Variants in LRSAM1 observed in about 807,000 individuals in gnomAD.
LRSAM1 encodes E3 ubiquitin-protein ligase LRSAM1.
Under a neutral mutation model 118.1 loss-of-function variants are expected in LRSAM1, and 96 were observed. The ratio of observed to expected loss-of-function variants is 0.81; its 90% CI spans 0.69 to 0.96. The LOEUF (loss-of-function observed/expected upper bound fraction) is 0.96. Ranked by LOEUF, LRSAM1 falls within the 40% of genes least tolerant of loss-of-function variation. The pLI, the probability that LRSAM1 is intolerant of heterozygous loss-of-function variation, is 0.00. For missense variants in LRSAM1, 804 were observed against 915.5 expected, an observed-to-expected ratio of 0.88 and a Z score of 1.57; for synonymous variants, 322 against 364.2, an observed-to-expected ratio of 0.88 and a Z score of 1.32.
At chr9:127,461,129 C>G (rs1554754305) in intron 7 of LRSAM1, 44 bp from the exon 8 acceptor site, 1 of 1,511,452 alleles carries the variant, frequency 6.6e-7, no homozygotes. Flanking sequence ...GCTGGGATTA[C>G]AGGCATAAGC....
At chr9:127,489,659 C>T (rs1835859693) in intron 19 of LRSAM1, 141 bp downstream of exon 19, 1 of 901,308 alleles carries the variant, frequency 1.1e-6, no homozygotes, top group Non-Finnish European at 1.7e-6. Context: ...AGGCCTTGCC[C>T]TCAGAACCTC....
chr9:127,485,863 G>A (rs1359627096), intron 17 of LRSAM1, 28 bp downstream of exon 17: 2 of 1,607,094 alleles, frequency 1.2e-6, no homozygotes, highest in Admixed American at 1.7e-5. Context: ...AGTCCCAGGT[G>A]AGGGAGCTGG....
At chr9:127,451,823 G>A (rs955508111) in intron 1 of LRSAM1, 106 bp from the exon 2 acceptor site, 1 of 155,690 alleles carries the variant, frequency 6.4e-6, no homozygotes, top group African/African-American at 2.4e-5. Flanking sequence ...AGTCTATGTG[G>A]AAATCCAGTC....
Position 127,503,070 on chromosome 9 carries a change from G to C in LRSAM1, c.*171G>C, listed in dbSNP as rs376509064. The C allele has an allele frequency of 9.3e-5, 80 of 857,792 alleles. No homozygotes were observed. The South Asian group carries it at 1.2e-3, about 13-fold the overall frequency. 53.1% of individuals were successfully genotyped at this position (857,792 alleles called of 1,614,324 possible). A position where few individuals can be genotyped will look rare whatever the true frequency, so the allele number is the denominator to read the frequency against. ...TAAGCTCCAAGCATGTCTGGGCCAG[G>C]CAGAGGTGCTCCTCATCCATGACAC... On this transcript the variant is annotated 3_prime_UTR_variant, in exon 26 of 26. Coordinates refer to ENST00000300417, the MANE Select transcript of LRSAM1 (RefSeq NM_001005373.4).
intron 14 of LRSAM1, among the ~76,000 whole-genome samples, chr9:127,480,292 C>G (rs1174605187): frequency 6.6e-6 from 1 of 152,218 alleles, no homozygotes; most frequent in Non-Finnish European, 1.5e-5. Flanking sequence ...GGGATCACAT[C>G]CTGCTCCAGT....
Position 127,479,822 on chromosome 9 carries a change from C to G in LRSAM1, c.904-17C>G. 1 of 1,611,432 alleles carries G rather than the reference C, an allele frequency of 6.2e-7. No individual in the cohort carries two copies. The highest frequency in any genetic ancestry group is 8.5e-7 in the Non-Finnish European group (1 of 1,178,044). On this transcript the variant is annotated splice_polypyrimidine_tract_variant and intron_variant, in intron 13 of 25. Coordinates refer to ENST00000300417, the MANE Select transcript of LRSAM1 (RefSeq NM_001005373.4). ...GAGGGGGTCCCAGGGGCTCAGGACCCCTACCTCCGGCTGCAGGAGCAGTCC... is the reference window on the plus strand; with the variant it reads ...GAGGGGGTCCCAGGGGCTCAGGACCGCTACCTCCGGCTGCAGGAGCAGTCC...
At chr9:127,501,179 C>T in intron 25 of LRSAM1, 36 bp downstream of exon 25, 1 of 1,607,728 alleles carries the variant, frequency 6.2e-7, no homozygotes, top group Non-Finnish European at 8.5e-7. Context: ...CCTGCCCTGC[C>T]TGTGGCCACC....
At chr9:127,496,627 CATT>C (rs898991095) in intron 23 of LRSAM1, among the ~76,000 whole-genome samples, 1 of 152,196 alleles carries the variant, frequency 6.6e-6, no homozygotes, top group African/African-American at 2.4e-5. Flanking sequence ...GGGTACATAT[CATT>C]ATCATCATCT....
rs915008654 is a variant in LRSAM1, at chr9:127,502,932, C to T, written c.*33C>T. 2.6e-6 allele frequency: 4 copies of T among 1,566,830 alleles called. No individual in the cohort carries two copies. The highest frequency in any genetic ancestry group is 3.5e-6 in the Non-Finnish European group (4 of 1,157,344). ...CCGCCCACCTGGGCCTGGTCCTAGC[C>T]CTGCCTCGGCCACTGTGAGCCCCGG... is the stretch of plus-strand genomic sequence containing the variant. On this transcript the variant is annotated 3_prime_UTR_variant, in exon 26 of 26. Transcript: ENST00000300417.
Position 127,455,627 on chromosome 9 carries a change from T to C in LRSAM1, c.174+7T>C. The C allele has an allele frequency of 6.2e-7, 1 of 1,613,412 alleles. No individual in the cohort carries two copies. Among genetic ancestry groups the C allele is most frequent in the Non-Finnish European group, 8.5e-7 (1 of 1,179,788 alleles). ...CAAAGTTCTGCAGAAGAAGGTAAGA[T>C]GGAGCTTCATCTTCAGAGACTTTCT... On this transcript the variant is annotated splice_region_variant and intron_variant, in intron 5 of 25. Coordinates refer to ENST00000300417, the MANE Select transcript of LRSAM1 (RefSeq NM_001005373.4).
chr9:127,497,163 TC>T (rs1836179596), intron 23 of LRSAM1, 89 bp from the exon 24 acceptor site: 1 of 1,334,210 alleles, frequency 7.5e-7, no homozygotes, highest in African/African-American at 1.4e-5. Flanking sequence ...GTGTCGACGG[TC>T]CTGTGAGCCT....
intron 6 of LRSAM1, 36 bp from the exon 7 acceptor site, chr9:127,458,967 C>G (rs769884345): frequency 6.2e-7 from 1 of 1,611,102 alleles, no homozygotes; most frequent in Admixed American, 1.7e-5. Flanking sequence ...GAGGGACTTT[C>G]TCACTTGGAG....
chr9:127,468,807 C>A, intron 10 of LRSAM1, among the ~76,000 whole-genome samples: 1 of 56,694 alleles, frequency 1.8e-5, no homozygotes, highest in Non-Finnish European at 3.3e-5. Flanking sequence ...AACCCTGTCT[C>A]TACAAAAAAA....
chr9:127,495,994 C>G lies in LRSAM1; in HGVS notation c.1729C>G (p.Leu577Val), dbSNP rs778480290. Reference sequence around the variant, plus strand: ...GGGGATGGAGCGCCAGCTGGTGGCCCTCCTGGAGGAGCTGTCGGCTGAGCA... The same window carrying G: ...GGGGATGGAGCGCCAGCTGGTGGCCGTCCTGGAGGAGCTGTCGGCTGAGCA... ...EEGMERQLVA[L>V]LEELSAEHYL... The change falls in exon 23 of 26, where the codon CTC (leucine) becomes GTC (valine). Residue 577 changes from leucine to valine, a missense_variant. Physicochemically the swap from Leu to Val is conservative, Grantham distance 32. Coordinates refer to ENST00000300417, the MANE Select transcript of LRSAM1 (RefSeq NM_001005373.4). The G allele has an allele frequency of 3.1e-6, 5 of 1,612,938 alleles. 1 individual carries two copies. In the South Asian group the frequency reaches 5.5e-5, roughly 18 times the overall value.
At position 127,467,833 on chromosome 9, in the gene LRSAM1, A is replaced by G. The variant is rs1835018718; in HGVS notation, c.619+3A>G. 6.3e-7 allele frequency: 1 copy of G among 1,583,726 alleles called. No individual in the cohort carries two copies. The highest frequency in any genetic ancestry group is 8.6e-7 in the Non-Finnish European group (1 of 1,167,272). ...CATCTTGCAGTTCCTCTGCAAAGGT[A>G]AAGCCAGGCCGCTGCCTCCTCCCCT... On this transcript the variant is annotated splice_donor_region_variant and intron_variant, in intron 10 of 25. Transcript: ENST00000300417.
At chr9:127,487,906 T>C in intron 18 of LRSAM1, 143 bp downstream of exon 18, 1 of 401,196 alleles carries the variant, frequency 2.5e-6, no homozygotes. Context: ...GTACAAGTGA[T>C]CAGGGTGAGG....
intron 11 of LRSAM1, among the ~76,000 whole-genome samples, chr9:127,474,828 C>G (rs62584995): frequency 1.3e-5 from 2 of 152,136 alleles, no homozygotes; most frequent in African/African-American, 2.4e-5. Flanking sequence ...GGAGGAAGCT[C>G]AAAGGGTTTG....
At chr9:127,464,235 G>A (rs1235826586) in intron 9 of LRSAM1, among the ~76,000 whole-genome samples, 1 of 152,220 alleles carries the variant, frequency 6.6e-6, no homozygotes, top group Non-Finnish European at 1.5e-5. Flanking sequence ...GGGCCGGCTG[G>A]GGAGATGGGC....
At chr9:127,475,498 CA>C (rs1835320646) in intron 11 of LRSAM1, among the ~76,000 whole-genome samples, 1 of 95,434 alleles carries the variant, frequency 1.0e-5, no homozygotes, top group Non-Finnish European at 2.2e-5. Flanking sequence ...CCATCTCAAA[CA>C]AACAAACAAA....
Sources: allele counts gnomAD v4.1 joint callset (sites outside exome capture counted in the v4.1 genomes callset), GRCh38; gene constraint gnomAD v4.1.1; transcripts MANE v1.5; gene names NCBI Gene and HGNC (gene_info 2026-07-23, HGNC 2026-07-21).